DIS3L: variants seen among roughly 807,000 people sequenced by gnomAD.
The protein encoded by DIS3L is DIS3-like exonuclease 1.
In DIS3L, 100 loss-of-function variants were observed where a neutral mutation model predicts 120.3. That is an observed-to-expected ratio of 0.83 (90% CI 0.71 to 0.98). The LOEUF is 0.98. DIS3L is among the 50% of genes least tolerant of loss of function. The pLI is 0.00. For missense variants in DIS3L, 1,196 were observed against 1,314.2 expected, an observed-to-expected ratio of 0.91 and a Z score of 1.39; for synonymous variants, 426 against 470.6, an observed-to-expected ratio of 0.91 and a Z score of 1.23.
intron 14 of DIS3L, chr15:66,330,696 A>T (rs1423688892): frequency 5.0e-6 from 1 of 200,788 alleles, no homozygotes; most frequent in Non-Finnish European, 8.9e-6. Flanking sequence ...GGCAACACAG[A>T]TAGAGAGCAT....
rs759656763 is a variant in DIS3L, at chr15:66,315,049, C to T, written c.828C>T (p.Asp276=). The change falls in exon 7 of 17, where the codon GAC becomes GAT. Residue 276 remains aspartate (D), a synonymous_variant. Coordinates refer to ENST00000319212, the MANE Select transcript of DIS3L (RefSeq NM_001143688.3). The part of the protein sequence containing the change: ...ASSKDSDLVS[D]ILIHGMKARN... ...CCCCAAACACAGATTTAGTCAGTGACATCCTAATCCACGGGATGAAGGCTC... is the reference window on the plus strand; with the variant it reads ...CCCCAAACACAGATTTAGTCAGTGATATCCTAATCCACGGGATGAAGGCTC... 1.2e-6 allele frequency: 2 copies of T among 1,613,930 alleles called. No homozygotes were observed. Among genetic ancestry groups the T allele is most frequent in the Non-Finnish European group, 1.7e-6 (2 of 1,179,840 alleles).
At chr15:66,293,759 G>T in intron 1 of DIS3L, 24 bp downstream of exon 1, 1 of 1,179,222 alleles carries the variant, frequency 8.5e-7, no homozygotes, top group Non-Finnish European at 1.0e-6. Flanking sequence ...CGGGGGCGGG[G>T]ACGGGGCCGG....
Position 66,331,888 on chromosome 15 carries a change from C to T in DIS3L, c.2549C>T (p.Ser850Phe). 6.2e-7 allele frequency: 1 copy of T among 1,604,146 alleles called. No homozygotes were observed. ...TGCTTCTTACAGGCAGCACAGCATT[C>T]TCAGAAGCAGTCTACTGAGCTCTTC... ...INNRNQAAQH[S>F]QKQSTELFQC... Residue 850 changes from serine to phenylalanine, a missense_variant, in exon 15 of 17, where the codon TCT (serine) becomes TTT (phenylalanine). Transcript: ENST00000319212.
chr15:66,303,706 G>C (rs368424771), intron 2 of DIS3L, among the ~76,000 whole-genome samples: 1 of 152,058 alleles, frequency 6.6e-6, no homozygotes, highest in Non-Finnish European at 1.5e-5. Flanking sequence ...TCCAAAAATT[G>C]TTCCTATTAC....
At chr15:66,293,311 C>T (rs1438739570), upstream of DIS3L, 2 of 299,082 alleles carry the variant, frequency 6.7e-6, no homozygotes, top group Non-Finnish European at 1.1e-5. Context: ...ACAGCTGCGC[C>T]CAGCCCTTCT....
intron 8 of DIS3L, among the ~76,000 whole-genome samples, chr15:66,319,089 C>T (rs1027972312): frequency 1.8e-4 from 27 of 152,210 alleles, no homozygotes; most frequent in African/African-American, 5.5e-4. Flanking sequence ...CATGCCCAGC[C>T]GTGTTTTTAT....
At position 66,295,101 on chromosome 15, in the gene DIS3L, C is replaced by T. The variant is rs1331712680; in HGVS notation, c.253C>T (p.Gln85Ter). The T allele has an allele frequency of 1.2e-6, 2 of 1,614,094 alleles. No individual in the cohort carries two copies. Among genetic ancestry groups the T allele is most frequent in the East Asian group, 2.2e-5 (1 of 44,882 alleles). The change falls in exon 2 of 17, where the codon CAG becomes TAG. Residue 85 changes from glutamine to a stop codon, truncating the protein, a stop_gained. Coordinates refer to ENST00000319212, the MANE Select transcript of DIS3L (RefSeq NM_001143688.3). LOFTEE classifies it high-confidence loss of function. ...FPELKGIIFM[Q>*]TACQAVQHQR... The stretch of plus-strand genomic sequence containing the variant: ...TGAGTTGAAGGGAATTATTTTCATG[C>T]AGACAGCTTGTCAAGCTGTGCAGCA...
intron 2 of DIS3L, among the ~76,000 whole-genome samples, chr15:66,300,430 C>T (rs1472535535): frequency 6.6e-6 from 1 of 152,140 alleles, no homozygotes; most frequent in Non-Finnish European, 1.5e-5. Flanking sequence ...TGGATGGATA[C>T]AGATTTCTTT....
chr15:66,310,109 G>T (rs2092745601), intron 4 of DIS3L, among the ~76,000 whole-genome samples: 1 of 152,144 alleles, frequency 6.6e-6, no homozygotes, highest in African/African-American at 2.4e-5. Flanking sequence ...ACTAGAATAA[G>T]GCCCTGTATT....
chr15:66,312,500 C>A lies in DIS3L; in HGVS notation c.735+600C>A, dbSNP rs146748182. On this transcript the variant is annotated intron_variant, in intron 5 of 16. Coordinates refer to ENST00000319212, the MANE Select transcript of DIS3L (RefSeq NM_001143688.3). ...CCTCCTGTCACTAGAAAAAAACATA[C>A]CTCTTTGAATCAAGGTCTGGAGGTT... Among the ~76,000 whole-genome samples, 369 of 152,234 alleles carry A rather than the reference C, an allele frequency of 2.4e-3. 1 individual carries two copies. Among genetic ancestry groups the A allele is most frequent in the Non-Finnish European group, 4.3e-3 (293 of 68,006 alleles).
intron 2 of DIS3L, among the ~76,000 whole-genome samples, chr15:66,305,219 C>T (rs988439542): frequency 1.3e-5 from 2 of 151,818 alleles, no homozygotes; most frequent in African/African-American, 4.8e-5. Flanking sequence ...CCAGGATGGT[C>T]TCGATCTCCT....
At position 66,314,029 on chromosome 15, in the gene DIS3L, A is replaced by C; in HGVS notation, c.736-10A>C. On this transcript the variant is annotated splice_polypyrimidine_tract_variant and intron_variant, in intron 5 of 16. Coordinates refer to ENST00000319212, the MANE Select transcript of DIS3L (RefSeq NM_001143688.3). ...ATTTTTCATATTGATTTTTTAAATT[A>C]TGATTTTAGGGAATTCTGAATGTCA... The C allele has an allele frequency of 6.5e-7, 1 of 1,543,994 alleles. No homozygotes were observed. The highest frequency in any genetic ancestry group is 8.7e-7 in the Non-Finnish European group (1 of 1,147,494).
chr15:66,330,711 A>G (rs765505229), intron 14 of DIS3L: 7 of 187,218 alleles, frequency 3.7e-5, no homozygotes, highest in Non-Finnish European at 7.0e-5. Flanking sequence ...GAGCATTTCT[A>G]TCATTGCAGA....
At chr15:66,323,687 C>A in intron 11 of DIS3L, 102 bp downstream of exon 11, 1 of 1,237,148 alleles carries the variant, frequency 8.1e-7, no homozygotes, top group Non-Finnish European at 1.2e-6. Context: ...ATGCCCCACC[C>A]CAGCCCTGTG....
rs748916135 is a variant in DIS3L, at chr15:66,331,926, T to C, written c.2587T>C (p.Phe863Leu). ...QSTELFQCMY[F>L]KDKDPATEER... ...TACTGAGCTCTTCCAGTGCATGTAC[T>C]TCAAAGACAAAGACCCTGCCACCGA... Residue 863 changes from phenylalanine (F) to leucine (L), a missense_variant, in exon 15 of 17, where the codon TTC (phenylalanine) becomes CTC (leucine). Phe to Leu is a conservative substitution (Grantham distance 22). Transcript: ENST00000319212. 6.2e-7 allele frequency: 1 copy of C among 1,613,482 alleles called. No homozygotes were observed. Among genetic ancestry groups the C allele is most frequent in the Admixed American group, 1.7e-5 (1 of 59,958 alleles).
rs752232313 is a variant in DIS3L, at chr15:66,326,334, C to A, written c.2171C>A (p.Ala724Asp). ...TTCTTTTCAGAACTCCGGGAATGTG[C>A]TAAAGCCAAAGGCTTCTTCATAGAT... ...QEFFSELREC[A>D]KAKGFFIDTR... Residue 724 changes from alanine (A) to aspartate (D), a missense_variant, in exon 12 of 17, where the codon GCT (alanine) becomes GAT (aspartate). Physicochemically the swap from Ala to Asp is moderately radical, Grantham distance 126 (BLOSUM62 -2). Coordinates refer to ENST00000319212, the MANE Select transcript of DIS3L (RefSeq NM_001143688.3). The A allele has an allele frequency of 1.9e-6, 3 of 1,614,160 alleles. No individual in the cohort carries two copies. Among genetic ancestry groups the A allele is most frequent in the Non-Finnish European group, 1.7e-6 (2 of 1,180,044 alleles).
intron 15 of DIS3L, 152 bp from the exon 16 acceptor site, chr15:66,332,584 A>G (rs1301309207): frequency 1.4e-6 from 1 of 733,788 alleles, no homozygotes; most frequent in South Asian, 2.3e-5. Flanking sequence ...CTTTGTTTCC[A>G]TCTGCTAAGG....
Position 66,295,113 on chromosome 15 carries a change from C to A in DIS3L, c.265C>A (p.Gln89Lys). ...AATTATTTTCATGCAGACAGCTTGT[C>A]AAGCTGTGCAGCATCAAAGAGGCAG... The part of the protein sequence containing the change: ...KGIIFMQTAC[Q>K]AVQHQRGRRQ... Residue 89 changes from glutamine (Q) to lysine (K), a missense_variant, in exon 2 of 17, where the codon CAA becomes AAA. Gln to Lys is a moderately conservative substitution (Grantham distance 53). Coordinates refer to ENST00000319212, the MANE Select transcript of DIS3L (RefSeq NM_001143688.3). 1.2e-6 allele frequency: 2 copies of A among 1,614,026 alleles called. No homozygotes were observed. Among genetic ancestry groups the A allele is most frequent in the South Asian group, 2.2e-5 (2 of 91,056 alleles).
intron 2 of DIS3L, among the ~76,000 whole-genome samples, chr15:66,301,189 C>A (rs1228345627): frequency 6.6e-6 from 1 of 152,058 alleles, no homozygotes; most frequent in Non-Finnish European, 1.5e-5. Context: ...TGAGAAATTG[C>A]TTAAAACATT....
Sources: gnomAD v4.1 joint callset for allele counts (sites outside exome capture counted in the v4.1 genomes callset) on GRCh38, gnomAD v4.1.1 for gene constraint, MANE v1.5 for transcripts, NCBI Gene and HGNC (gene_info 2026-07-23, HGNC 2026-07-21) for gene names.